The following MAP4K3 variants were observed in gnomAD, a reference collection of about 807,000 sequenced individuals.
MAP4K3 encodes the protein MAPK/ERK kinase kinase kinase 3.
Under a neutral mutation model 143.5 loss-of-function variants are expected in MAP4K3, and 94 were observed. That is an observed-to-expected ratio of 0.65 (90% confidence interval 0.55 to 0.78). MAP4K3 has a LOEUF of 0.78. MAP4K3 is among the 30% of genes least tolerant of loss of function. The pLI, the probability that MAP4K3 is intolerant of heterozygous loss-of-function variation, is 0.00. For synonymous variants in MAP4K3, 416 were observed against 347.2 expected (o/e 1.20, Z -2.20); for missense variants, 1,077 against 1,068.1 (o/e 1.01, Z -0.12).
At chr2:39,334,046 A>G (rs1683780383) in intron 6 of MAP4K3, among the ~76,000 whole-genome samples, 1 of 151,222 alleles carries the variant, frequency 6.6e-6, no homozygotes, top group Non-Finnish European at 1.5e-5. Flanking sequence ...CAATTGAACC[A>G]GGGTTGGTAT....
At chr2:39,388,909 A>G (rs1453568240) in intron 1 of MAP4K3, among the ~76,000 whole-genome samples, 1 of 152,224 alleles carries the variant, frequency 6.6e-6, no homozygotes, top group Non-Finnish European at 1.5e-5. Flanking sequence ...TATTAGGCAG[A>G]TATGAGCTTA....
At chr2:39,355,323 T>C (rs1665580757) in intron 3 of MAP4K3, among the ~76,000 whole-genome samples, 1 of 130,954 alleles carries the variant, frequency 7.6e-6, no homozygotes, top group Non-Finnish European at 1.5e-5. Context: ...ATCACACCAC[T>C]GCACTCCAGC....
In MAP4K3 at chr2:39,350,306, T is replaced by C. The variant is rs562967587; in HGVS notation, c.245+5943A>G. 4.6e-5 allele frequency among the ~76,000 whole-genome samples: 7 copies of C among 152,322 alleles called. 1 individual carries two copies. The South Asian group carries it at 1.5e-3, about 32-fold the overall frequency. On this transcript the variant is annotated intron_variant, in intron 3 of 33. Transcript: ENST00000263881. ...TCCAAATAAGTATACTGAGTTTAGC[T>C]AATAGTATCGCACCAATGTTAATAT...
chr2:39,284,899 A>G (rs1681696326), intron 21 of MAP4K3, among the ~76,000 whole-genome samples: 1 of 151,408 alleles, frequency 6.6e-6, no homozygotes, highest in South Asian at 2.1e-4. Flanking sequence ...TTATCATTTA[A>G]TTTTTTTTAG....
At chr2:39,351,718 G>C (rs1665464549) in intron 3 of MAP4K3, among the ~76,000 whole-genome samples, 1 of 152,152 alleles carries the variant, frequency 6.6e-6, no homozygotes, top group East Asian at 1.9e-4. Context: ...ACTCAGGCTG[G>C]AGTGTAGTGG....
chr2:39,391,072 T>C (rs1012737639), intron 1 of MAP4K3, among the ~76,000 whole-genome samples: 7 of 152,200 alleles, frequency 4.6e-5, no homozygotes, highest in Non-Finnish European at 1.0e-4. Context: ...ATACATACTA[T>C]AGGCCGGGCG....
At chr2:39,414,865 A>C (rs949939555) in intron 1 of MAP4K3, among the ~76,000 whole-genome samples, 5 of 151,906 alleles carry the variant, frequency 3.3e-5, no homozygotes, top group Non-Finnish European at 7.4e-5. Context: ...CAACACAGTG[A>C]GACTCCAACT....
At chr2:39,394,363 T>C (rs1666748568) in intron 1 of MAP4K3, among the ~76,000 whole-genome samples, 1 of 152,216 alleles carries the variant, frequency 6.6e-6, no homozygotes, top group Non-Finnish European at 1.5e-5. Context: ...TGAGGACAGC[T>C]TGAACTAAGG....
chr2:39,273,956 T>C (rs538134044), intron 24 of MAP4K3, among the ~76,000 whole-genome samples: 2 of 152,194 alleles, frequency 1.3e-5, no homozygotes, highest in Non-Finnish European at 2.9e-5. Flanking sequence ...AGTAGCAAGA[T>C]ACAGATTTTT....
intron 19 of MAP4K3, among the ~76,000 whole-genome samples, chr2:39,289,855 C>A (rs768623039): frequency 2.5e-4 from 38 of 152,140 alleles, no homozygotes; most frequent in Middle Eastern, 6.3e-3. Context: ...GAGGCCAAGG[C>A]AGGCAGATCA....
At chr2:39,343,803 A>G (rs1303387245) in intron 3 of MAP4K3, among the ~76,000 whole-genome samples, 2 of 152,184 alleles carry the variant, frequency 1.3e-5, no homozygotes, top group African/African-American at 4.8e-5. Context: ...CTCAAAGTAT[A>G]CTACTTTGAT....
chr2:39,391,686 T>C (rs762118645), intron 1 of MAP4K3, among the ~76,000 whole-genome samples: 13 of 152,112 alleles, frequency 8.5e-5, no homozygotes, highest in Non-Finnish European at 1.8e-4. Flanking sequence ...GTAATTAAAA[T>C]CAGTTGTGTG....
At chr2:39,387,796 CCT>C (rs1666549394) in intron 1 of MAP4K3, among the ~76,000 whole-genome samples, 1 of 152,174 alleles carries the variant, frequency 6.6e-6, no homozygotes, top group African/African-American at 2.4e-5. Flanking sequence ...TTTACAATAG[CCT>C]CTCTTTTCTT....
chr2:39,390,858 T>A (rs1666632222), intron 1 of MAP4K3, among the ~76,000 whole-genome samples: 1 of 151,842 alleles, frequency 6.6e-6, no homozygotes, highest in Non-Finnish European at 1.5e-5. Context: ...AACCTAAAAA[T>A]CAATCGCCCT....
intron 1 of MAP4K3, among the ~76,000 whole-genome samples, chr2:39,422,650 G>A (rs1159505934): frequency 2.0e-5 from 3 of 152,154 alleles, no homozygotes; most frequent in Non-Finnish European, 4.4e-5. Context: ...AAGCAAAGGT[G>A]ATCCAATGGG....
chr2:39,294,899 T>C (rs1304136385), intron 16 of MAP4K3, among the ~76,000 whole-genome samples: 1 of 152,202 alleles, frequency 6.6e-6, no homozygotes, highest in Non-Finnish European at 1.5e-5. Context: ...ATGTAATACC[T>C]TTGTTGCTCT....
chr2:39,304,594 AAGT>A (rs777975869), intron 15 of MAP4K3, among the ~76,000 whole-genome samples: 3 of 152,264 alleles, frequency 2.0e-5, no homozygotes, highest in Non-Finnish European at 2.9e-5. Context: ...GATGTGGAGA[AAGT>A]AGAAGTCATG....
intron 29 of MAP4K3, 77 bp downstream of exon 29, chr2:39,260,529 G>T: frequency 8.2e-7 from 1 of 1,221,072 alleles, no homozygotes; most frequent in African/African-American, 1.5e-5. Context: ...TTTTTCCTTA[G>T]TAAGAGATAC....
intron 15 of MAP4K3, among the ~76,000 whole-genome samples, chr2:39,305,592 T>C (rs977513350): frequency 1.4e-4 from 21 of 152,206 alleles, no homozygotes; most frequent in Middle Eastern, 3.2e-3. Context: ...ATAAGTTGTA[T>C]ACTCTGACAA....
Sources: gnomAD v4.1 joint callset for allele counts (sites outside exome capture counted in the v4.1 genomes callset) on GRCh38, gnomAD v4.1.1 for gene constraint, MANE v1.5 for transcripts, NCBI Gene and HGNC (gene_info 2026-07-23, HGNC 2026-07-21) for gene names.